TIGD6: variants seen among roughly 807,000 people sequenced by gnomAD.
TIGD6 encodes the protein tigger transposable element derived 6.
TIGD6 carries 1 observed loss-of-function variant against 2.6 expected under a neutral mutation model. That is an observed-to-expected ratio of 0.39 (90% CI 0.14 to 1.85). The LOEUF is 1.85. Among genes scored for constraint, TIGD6 ranks in the 40% most tolerant of loss-of-function variants. The probability of loss-of-function intolerance (pLI) is 0.32; values close to 1 mark genes in which losing one functional copy is unlikely to be tolerated. For synonymous variants in TIGD6, 193 were observed against 221.9 expected, an observed-to-expected ratio of 0.87 and a Z score of 1.16; for missense variants, 601 against 634.2, an observed-to-expected ratio of 0.95 and a Z score of 0.56.
rs1454112010 is a variant in TIGD6 at position 149,995,910 on chromosome 5, TTAACCTGTCAC to T, written c.428_438del (p.Ser143AsnfsTer8). On this transcript the variant is annotated frameshift_variant, in exon 2 of 2. Coordinates refer to ENST00000296736, the MANE Select transcript of TIGD6 (RefSeq NM_030953.4). LOFTEE classifies it high-confidence loss of function. Reference sequence around the variant, plus strand: ...ATCTTATCTATTCCTAGACCATTCATTAACCTGTCACTATCTTCTCTACAGACTGCTTTCAA... The same window carrying T: ...ATCTTATCTATTCCTAGACCATTCATTATCTTCTCTACAGACTGCTTTCAA... 5 of 1,614,014 alleles carry T rather than the reference TTAACCTGTCAC, an allele frequency of 3.1e-6. No individual in the cohort carries two copies. In the African/African-American group the frequency reaches 6.7e-5, roughly 22 times the overall value.
chr5:149,995,642 T>C lies in TIGD6; in HGVS notation c.707A>G (p.His236Arg), dbSNP rs1427798961. The C allele has an allele frequency of 3.1e-6, 5 of 1,614,118 alleles. No individual in the cohort carries two copies. The highest frequency in any genetic ancestry group is 3.3e-5 in the Admixed American group (2 of 60,004). ...GAGGGAATGAATGTTCTTGAGGCAG[T>C]GTGGGCTGGCTGACCTACCAACAAT... The part of the protein sequence containing the change: ...PLIVGRSASP[H>R]CLKNIHSLPC... Residue 236 changes from histidine (H) to arginine (R), a missense_variant, in exon 2 of 2, where the codon CAC (histidine) becomes CGC (arginine). His to Arg is a conservative substitution (Grantham distance 29). Coordinates refer to ENST00000296736, the MANE Select transcript of TIGD6 (RefSeq NM_030953.4).
In TIGD6 at chr5:149,995,707, A is replaced by G; in HGVS notation, c.642T>C (p.Phe214=). The change falls in exon 2 of 2, where the codon TTT becomes TTC. Residue 214 remains phenylalanine (F), a synonymous_variant. Coordinates refer to ENST00000296736, the MANE Select transcript of TIGD6 (RefSeq NM_030953.4). The part of the protein sequence containing the change: ...KKAKQRLTAL[F]CCNASGTEKM... ...TTTCAGTCCCCGAGGCATTGCAACA[A>G]AAGAGTGCTGTCAACCGCTGCTTTG... 1.2e-6 allele frequency: 2 copies of G among 1,614,194 alleles called. No individual in the cohort carries two copies. The highest frequency in any genetic ancestry group is 1.1e-5 in the South Asian group (1 of 91,076).
chr5:150,000,471 T>C lies in TIGD6; in HGVS notation c.-82+3A>G, dbSNP rs1755518459. The stretch of plus-strand genomic sequence containing the variant: ...ACGCTCAGCACAGCCCCGCCCCTGT[T>C]ACCTGAACGCCCCACAGCAGTGCCC... On this transcript the variant is annotated splice_donor_region_variant and intron_variant, in intron 1 of 1. Coordinates refer to ENST00000296736, the MANE Select transcript of TIGD6 (RefSeq NM_030953.4). The C allele has an allele frequency of 6.5e-6, 1 of 154,344 alleles. No individual in the cohort carries two copies. The highest frequency in any genetic ancestry group is 6.5e-5 in the Admixed American group (1 of 15,288). The allele number at this position is 154,344 out of a possible 1,614,324, so 9.6% of individuals were successfully genotyped here.
In TIGD6 at chr5:149,994,091, C is replaced by G. The variant is rs1175878201; in HGVS notation, c.*692G>C. 2 of 152,226 alleles carry G rather than the reference C, an allele frequency of 1.3e-5. No individual in the cohort carries two copies. Among genetic ancestry groups the G allele is most frequent in the Admixed American group, 6.5e-5 (1 of 15,284 alleles). 9.4% of individuals were successfully genotyped at this position (152,226 alleles called of 1,614,324 possible). ...TAAAGAGAGAAGTTCTAGAACTCAG[C>G]TAGACCAGTATATTGCTTTATTTAA... is the stretch of plus-strand genomic sequence containing the variant. On this transcript the variant is annotated 3_prime_UTR_variant, in exon 2 of 2. Coordinates refer to ENST00000296736, the MANE Select transcript of TIGD6 (RefSeq NM_030953.4).
intron 1 of TIGD6, among the ~76,000 whole-genome samples, chr5:149,996,870 C>T (rs1264288226): frequency 6.6e-6 from 1 of 152,220 alleles, no homozygotes; most frequent in Non-Finnish European, 1.5e-5. Flanking sequence ...AGGCCATGGT[C>T]CTGCTTGAAA....
At chr5:149,998,371 A>C (rs147982280) in intron 1 of TIGD6, among the ~76,000 whole-genome samples, 1 of 152,100 alleles carries the variant, frequency 6.6e-6, no homozygotes, top group East Asian at 1.9e-4. Context: ...TATTTTTGAA[A>C]AGTCCCATGG....
At chr5:149,997,469 C>T (rs1321733240) in intron 1 of TIGD6, among the ~76,000 whole-genome samples, 2 of 151,580 alleles carry the variant, frequency 1.3e-5, no homozygotes, top group African/African-American at 4.9e-5. Flanking sequence ...ACCCAGGAGG[C>T]GGAGGTTGCA....
rs1755424508 is a variant in TIGD6, at chr5:149,997,643, G to A, written c.-81-1214C>T. ...TGCATGAATCCAAGTATATGACAAA[G>A]GTGGGTGGCCAGACCATTCAAAGAT... is the stretch of plus-strand genomic sequence containing the variant. On this transcript the variant is annotated intron_variant, in intron 1 of 1. Coordinates refer to ENST00000296736, the MANE Select transcript of TIGD6 (RefSeq NM_030953.4). 3.3e-5 allele frequency among the ~76,000 whole-genome samples: 5 copies of A among 151,964 alleles called. No individual in the cohort carries two copies. In the South Asian group the frequency reaches 1.0e-3, roughly 32 times the overall value.
chr5:149,995,818 A>G lies in TIGD6; in HGVS notation c.531T>C (p.Asn177=). 6.2e-7 allele frequency: 1 copy of G among 1,614,234 alleles called. No individual in the cohort carries two copies. Residue 177 remains asparagine, a synonymous_variant, in exon 2 of 2, where the codon AAT becomes AAC. Coordinates refer to ENST00000296736, the MANE Select transcript of TIGD6 (RefSeq NM_030953.4). ...GGAAAAACACTCCTGTCTCATCAGC[A>G]TTAAAGATATCATCTGGGCTGTAGT... ...IADYSPDDIF[N]ADETGVFFQL... is the part of the protein sequence containing the mutation.
rs1755332642 is a variant in TIGD6, at chr5:149,994,655, A to C, written c.*128T>G. The C allele has an allele frequency of 2.2e-6, 2 of 900,174 alleles. No homozygotes were observed. Among genetic ancestry groups the C allele is most frequent in the African/African-American group, 1.7e-5 (1 of 58,060 alleles). The allele number at this position is 900,174 out of a possible 1,614,324, so 55.8% of individuals were successfully genotyped here. A position where few individuals can be genotyped will look rare whatever the true frequency, so the allele number is the denominator to read the frequency against. ...ATATTAGTCAAATTCCATTCAAAGA[A>C]GTTTCCTGGCTATTTCAGAGTACTG... On this transcript the variant is annotated 3_prime_UTR_variant, in exon 2 of 2. Coordinates refer to ENST00000296736, the MANE Select transcript of TIGD6 (RefSeq NM_030953.4).
At position 149,996,070 on chromosome 5, in the gene TIGD6, GT is replaced by G; in HGVS notation, c.278del (p.Asn93ThrfsTer4). The G allele has an allele frequency of 6.2e-7, 1 of 1,613,744 alleles. No individual in the cohort carries two copies. ...FAWFQEIHAKNILVTGSVIRK... is the reference protein window; with the variant it reads ...FAWFQEIHAKXILVTGSVIRK... ...GAATGACAGAACCAGTCACAAGAAT[GT>G]TTTTGGCATGGATTTCTTGAAACCA... On this transcript the variant is annotated frameshift_variant, in exon 2 of 2. Transcript: ENST00000296736. LOFTEE classifies it low-confidence loss of function (END_TRUNC).
intron 1 of TIGD6, among the ~76,000 whole-genome samples, chr5:149,998,531 G>A (rs546489737): frequency 2.0e-5 from 3 of 152,272 alleles, no homozygotes; most frequent in African/African-American, 7.2e-5. Flanking sequence ...AGAATGGTGT[G>A]GTGTATCCTG....
chr5:150,000,635 A>G lies in TIGD6; in HGVS notation c.-243T>C, dbSNP rs1234210992. 1 of 154,802 alleles carries G rather than the reference A, an allele frequency of 6.5e-6. No individual in the cohort carries two copies. The highest frequency in any genetic ancestry group is 1.5e-5 in the Non-Finnish European group (1 of 68,250). The allele number at this position is 154,802 out of a possible 1,614,324, so 9.6% of individuals were successfully genotyped here. On this transcript the variant is annotated 5_prime_UTR_variant, in exon 1 of 2. Coordinates refer to ENST00000296736, the MANE Select transcript of TIGD6 (RefSeq NM_030953.4). Reference sequence around the variant, plus strand: ...AGCAGTTCGTGTGGGTCCGCTCCCAAGCTAGGGCTGGGCTGTTGCGCTTGC... The same window carrying G: ...AGCAGTTCGTGTGGGTCCGCTCCCAGGCTAGGGCTGGGCTGTTGCGCTTGC...
At chr5:149,999,382 G>A (rs1266864321) in intron 1 of TIGD6, among the ~76,000 whole-genome samples, 27 of 152,206 alleles carry the variant, frequency 1.8e-4, no homozygotes, top group Admixed American at 1.8e-3. Context: ...AGGATTTTAA[G>A]GAAGGAGAGA....
rs770013392 is a variant in TIGD6, at chr5:149,995,699, T to C, written c.650A>G (p.Asn217Ser). Residue 217 changes from asparagine to serine, a missense_variant, in exon 2 of 2, where the codon AAT (asparagine) becomes AGT (serine). Asn to Ser is a conservative substitution (Grantham distance 46). Transcript: ENST00000296736. Reference protein sequence around the residue: ...KQRLTALFCCNASGTEKMRPL... With the variant: ...KQRLTALFCCSASGTEKMRPL... ...TCTCATTTTTTCAGTCCCCGAGGCATTGCAACAAAAGAGTGCTGTCAACCG... is the reference window on the plus strand; with the variant it reads ...TCTCATTTTTTCAGTCCCCGAGGCACTGCAACAAAAGAGTGCTGTCAACCG... 2.5e-6 allele frequency: 4 copies of C among 1,614,088 alleles called. No homozygotes were observed. In the South Asian group the frequency reaches 3.3e-5, roughly 13 times the overall value.
intron 1 of TIGD6, chr5:149,999,735 G>T (rs1407645862): frequency 6.6e-6 from 1 of 152,206 alleles, no homozygotes; most frequent in Non-Finnish European, 1.5e-5. Context: ...TCACAACAAA[G>T]CTAGCACTCC....
chr5:149,998,028 G>T (rs1283449535), intron 1 of TIGD6, among the ~76,000 whole-genome samples: 1 of 152,188 alleles, frequency 6.6e-6, no homozygotes, highest in Non-Finnish European at 1.5e-5. Flanking sequence ...TACTCGGGAG[G>T]CAGAGGCACA....
At chr5:149,999,750 A>T (rs1045842307) in intron 1 of TIGD6, 3 of 152,244 alleles carry the variant, frequency 2.0e-5, no homozygotes, top group African/African-American at 7.2e-5. Context: ...CACTCCAAAC[A>T]CTACAGAGTG....
At position 149,996,281 on chromosome 5, in the gene TIGD6, G is replaced by A; in HGVS notation, c.68C>T (p.Ala23Val). The stretch of plus-strand genomic sequence containing the variant: ...ACCTTTCCTCTTGCCTGAGTCTACA[G>A]CTCCCACAACTTTCATTTTCTCCTC... ...SLEEKMKVVG[A>V]VDSGKRKGDV... Residue 23 changes from alanine to valine, a missense_variant, in exon 2 of 2, where the codon GCT (alanine) becomes GTT (valine). Ala to Val is a moderately conservative substitution (Grantham distance 64). Transcript: ENST00000296736. 6.2e-7 allele frequency: 1 copy of A among 1,614,006 alleles called. No homozygotes were observed. The highest frequency in any genetic ancestry group is 1.3e-5 in the African/African-American group (1 of 75,020).
Sources: allele counts gnomAD v4.1 joint callset (sites outside exome capture counted in the v4.1 genomes callset), GRCh38; gene constraint gnomAD v4.1.1; transcripts MANE v1.5; gene names NCBI Gene and HGNC (gene_info 2026-07-23, HGNC 2026-07-21).